NAV3: variants seen among roughly 807,000 people sequenced by gnomAD.
NAV3 encodes pore membrane and/or filament interacting like protein 1.
Under a neutral mutation model 244.7 loss-of-function variants are expected in NAV3, and 87 were observed. That is an observed-to-expected ratio of 0.36 (90% CI 0.30 to 0.42). The LOEUF (loss-of-function observed/expected upper bound fraction) is 0.42, where lower values mean the gene tolerates loss of function less well. Among genes scored for constraint, NAV3 ranks in the 20% least tolerant of loss-of-function variants. NAV3 has a pLI of 1.00. For missense variants in NAV3, 2,663 were observed against 2,893.3 expected (o/e 0.92, Z 1.83); for synonymous variants, 1,126 against 1,042.2 (o/e 1.08, Z -1.55).
At position 78,006,988 on chromosome 12, in the gene NAV3, G is replaced by T; in HGVS notation, c.1450G>T (p.Val484Phe). The T allele has an allele frequency of 6.2e-7, 1 of 1,614,100 alleles. No individual in the cohort carries two copies. Among genetic ancestry groups the T allele is most frequent in the Non-Finnish European group, 8.5e-7 (1 of 1,180,012 alleles). Residue 484 changes from valine (V) to phenylalanine (F), a missense_variant, in exon 8 of 40, where the codon GTC becomes TTC. Val to Phe is a conservative substitution (Grantham distance 50). Coordinates refer to ENST00000397909, the MANE Select transcript of NAV3 (RefSeq NM_001024383.2). The stretch of plus-strand genomic sequence containing the variant: ...AAATAAAGTTTGCACTGAAAAACCA[G>T]TCAAAGAAGAGAAGGATCAGGTGAC... ...DKNKVCTEKP[V>F]KEEKDQVTEM...
chr12:78,186,315 C>T (rs1161481173), intron 31 of NAV3, among the ~76,000 whole-genome samples: 1 of 151,770 alleles, frequency 6.6e-6, no homozygotes, highest in African/African-American at 2.4e-5. Context: ...AGTTGAGTGG[C>T]CAAAAATACA....
chr12:78,163,058 G>A lies in NAV3; in HGVS notation c.4869+3772G>A, dbSNP rs546610993. On this transcript the variant is annotated intron_variant, in intron 23 of 39. Transcript: ENST00000397909. Reference sequence around the variant, plus strand: ...ATGAGGATACTGAGAAGCTGGTTTGGAAGCTAAAACACAAAGTAACAAAGG... The same window carrying A: ...ATGAGGATACTGAGAAGCTGGTTTGAAAGCTAAAACACAAAGTAACAAAGG... Among the ~76,000 whole-genome samples the A allele has an allele frequency of 1.1e-4, 16 of 150,500 alleles. 1 individual carries two copies. The East Asian group carries it at 2.9e-3, about 28-fold the overall frequency.
intron 12 of NAV3, among the ~76,000 whole-genome samples, chr12:78,107,869 A>C (rs1441089595): frequency 6.6e-6 from 1 of 152,160 alleles, no homozygotes; most frequent in East Asian, 1.9e-4. Flanking sequence ...GAGAAATCTA[A>C]CTAACCACAA....
At chr12:77,766,734 A>ATTTTT (rs1565805085) in intron 2 of NAV3, among the ~76,000 whole-genome samples, 3 of 53,342 alleles carry the variant, frequency 5.6e-5, no homozygotes, top group African/African-American at 1.5e-4. Context: ...CAGGCAATTA[A>ATTTTT]GTTTTTTTTT....
In NAV3 at chr12:78,066,120, C is replaced by A. The variant is rs943744064; in HGVS notation, c.2636+7005C>A. Among the ~76,000 whole-genome samples the A allele has an allele frequency of 3.3e-5, 5 of 152,144 alleles. No homozygotes were observed. In the South Asian group the frequency reaches 6.2e-4, roughly 19 times the overall value. ...ATCACTAGCAAGTGCCCCTTAGCCT[C>A]TCCTGCCATATGAGGTTACATCAAA... On this transcript the variant is annotated intron_variant, in intron 12 of 39. Transcript: ENST00000397909.
intron 9 of NAV3, among the ~76,000 whole-genome samples, chr12:78,044,454 C>T (rs1314090081): frequency 6.6e-6 from 1 of 151,978 alleles, no homozygotes; most frequent in African/African-American, 2.4e-5. Flanking sequence ...GTAGTTTTTT[C>T]TAACTCTATG....
intron 4 of NAV3, 44 bp from the exon 5 acceptor site, chr12:77,968,475 T>C: frequency 6.8e-7 from 1 of 1,477,126 alleles, no homozygotes; most frequent in Non-Finnish European, 9.4e-7. Flanking sequence ...AAAAAGGACA[T>C]TAAATACATA....
intron 39 of NAV3, among the ~76,000 whole-genome samples, chr12:78,206,116 C>T (rs1466624745): frequency 6.6e-6 from 1 of 152,070 alleles, no homozygotes; most frequent in Non-Finnish European, 1.5e-5. Flanking sequence ...AAAATGCATA[C>T]ACACTGAAAA....
intron 9 of NAV3, among the ~76,000 whole-genome samples, chr12:78,046,850 T>G (rs1881879519): frequency 6.6e-6 from 1 of 152,122 alleles, no homozygotes; most frequent in Non-Finnish European, 1.5e-5. Context: ...CTCCCACTAT[T>G]ATTGTGTGGG....
At position 78,082,581 on chromosome 12, in the gene NAV3, GC is replaced by G. The variant is rs369572972; in HGVS notation, c.2636+23474del. On this transcript the variant is annotated intron_variant, in intron 12 of 39. Coordinates refer to ENST00000397909, the MANE Select transcript of NAV3 (RefSeq NM_001024383.2). ...TTAAACAAAATCACTGTGTGATATA[GC>G]CCCCCCCACCATTAGCATTTCAATA... Among the ~76,000 whole-genome samples, 1,136 of 151,364 alleles carry G rather than the reference GC, an allele frequency of 7.5e-3. 18 individuals carry two copies. The highest frequency in any genetic ancestry group is 0.025 in the African/African-American group (1,029 of 41,262).
chr12:77,759,042 G>A (rs923070831), intron 2 of NAV3, among the ~76,000 whole-genome samples: 29 of 152,098 alleles, frequency 1.9e-4, no homozygotes, highest in Admixed American at 2.0e-4. Flanking sequence ...GCTCAGTTGC[G>A]TTTGTGGCTA....
intron 23 of NAV3, among the ~76,000 whole-genome samples, chr12:78,160,402 T>TGTGC (rs776750180): frequency 7.7e-5 from 7 of 90,522 alleles, no homozygotes; most frequent in East Asian, 1.1e-3. Flanking sequence ...TGTGTGTGCG[T>TGTGC]GCGTGTGTGT....
intron 9 of NAV3, among the ~76,000 whole-genome samples, chr12:78,028,878 C>T (rs11107920): frequency 6.6e-6 from 1 of 151,994 alleles, no homozygotes; most frequent in Non-Finnish European, 1.5e-5. Flanking sequence ...TAATTTAGCC[C>T]AGTGACGAGG....
chr12:78,136,424 A>G (rs937760162), intron 18 of NAV3, among the ~76,000 whole-genome samples: 7 of 152,120 alleles, frequency 4.6e-5, no homozygotes, highest in Admixed American at 1.3e-4. Flanking sequence ...CCAGGTGAGG[A>G]CTCTTTGGCA....
At chr12:78,143,783 T>C (rs1956738218) in intron 20 of NAV3, among the ~76,000 whole-genome samples, 1 of 152,170 alleles carries the variant, frequency 6.6e-6, no homozygotes, top group African/African-American at 2.4e-5. Context: ...ATGGAATATC[T>C]AGCAATACTA....
intron 8 of NAV3, among the ~76,000 whole-genome samples, chr12:78,019,890 G>A (rs140896628): frequency 6.6e-6 from 1 of 152,258 alleles, no homozygotes; most frequent in African/African-American, 2.4e-5. Flanking sequence ...TTCTATAAAT[G>A]ATGGGTTTGA....
chr12:77,651,332 T>C (rs1208377553), intron 2 of NAV3, among the ~76,000 whole-genome samples: 1 of 152,182 alleles, frequency 6.6e-6, no homozygotes, highest in Non-Finnish European at 1.5e-5. Flanking sequence ...CCCTTAATCC[T>C]TTCAGACTTA....
intron 9 of NAV3, among the ~76,000 whole-genome samples, chr12:78,048,340 A>G (rs1044988317): frequency 6.6e-6 from 1 of 151,734 alleles, no homozygotes; most frequent in African/African-American, 2.4e-5. Context: ...TTTTTTTCTC[A>G]TCTTTGTGGA....
intron 1 of NAV3, among the ~76,000 whole-genome samples, chr12:77,920,141 G>C (rs1887565568): frequency 6.6e-6 from 1 of 151,872 alleles, no homozygotes; most frequent in Non-Finnish European, 1.5e-5. Flanking sequence ...AAATTGCTTA[G>C]TATCTTTAAA....
Sources: gnomAD v4.1 joint callset for allele counts (sites outside exome capture counted in the v4.1 genomes callset) on GRCh38, gnomAD v4.1.1 for gene constraint, MANE v1.5 for transcripts, NCBI Gene and HGNC (gene_info 2026-07-23, HGNC 2026-07-21) for gene names.